MEGF8: variants seen among roughly 807,000 people sequenced by gnomAD.
MEGF8 encodes multiple epidermal growth factor-like domains protein 8.
Under a neutral mutation model 302.9 loss-of-function variants are expected in MEGF8, and 156 were observed. The ratio of observed to expected loss-of-function variants is 0.52; its 90% CI spans 0.45 to 0.59. MEGF8 has a LOEUF of 0.59. MEGF8 is among the 20% of genes least tolerant of loss of function. The pLI is 0.00. For synonymous variants in MEGF8, 1,621 were observed against 1,660.5 expected (o/e 0.98, Z 0.58); for missense variants, 3,345 against 3,964.5 (o/e 0.84, Z 4.20).
Position 42,334,150 on chromosome 19 carries a change from G to A in MEGF8, c.495G>A (p.Gly165=). The change falls in exon 3 of 42, where the codon GGG becomes GGA. Residue 165 remains glycine (G), a synonymous_variant. Transcript: ENST00000251268. ...PGVCACEPGW[G]GPDCGLQECS... Reference sequence around the variant, plus strand: ...TGTGTGCCTGCGAGCCGGGCTGGGGGGGTCCTGACTGTGGCCTGCAGGAGT... The same window carrying A: ...TGTGTGCCTGCGAGCCGGGCTGGGGAGGTCCTGACTGTGGCCTGCAGGAGT... The A allele has an allele frequency of 6.2e-7, 1 of 1,611,600 alleles. No homozygotes were observed.
At chr19:42,330,372 T>C (rs1158058835) in intron 1 of MEGF8, among the ~76,000 whole-genome samples, 4 of 152,174 alleles carry the variant, frequency 2.6e-5, no homozygotes, top group Non-Finnish European at 5.9e-5. Flanking sequence ...GGGAGGCAGA[T>C]GGTGAGCTGG....
chr19:42,357,269 G>A lies in MEGF8; in HGVS notation c.4831-135G>A, dbSNP rs1402091656. ...TGTGCCTCTGCCAGGACCCAGGCTG[G>A]TCCGACTGGCCCTGGGGGGGTCATT... On this transcript the variant is annotated intron_variant, in intron 27 of 41. Coordinates refer to ENST00000251268, the MANE Select transcript of MEGF8 (RefSeq NM_001271938.2). The surrounding 1 kb of genome is among the most constrained non-coding windows in gnomAD (Gnocchi z 5.2). The A allele has an allele frequency of 6.2e-6, 7 of 1,122,868 alleles. No individual in the cohort carries two copies. Among genetic ancestry groups the A allele is most frequent in the Non-Finnish European group, 1.3e-6 (1 of 794,724 alleles). 69.6% of individuals were successfully genotyped at this position (1,122,868 alleles called of 1,614,324 possible).
intron 13 of MEGF8, 113 bp downstream of exon 13, chr19:42,348,585 T>G: frequency 9.5e-7 from 1 of 1,054,638 alleles, no homozygotes; most frequent in Non-Finnish European, 1.3e-6. Context: ...GGGGAGAAAT[T>G]AGAGGCAGGA....
In MEGF8 at chr19:42,350,281, G is replaced by T; in HGVS notation, c.2633G>T (p.Gly878Val). The T allele has an allele frequency of 6.2e-7, 1 of 1,610,802 alleles. No homozygotes were observed. Among genetic ancestry groups the T allele is most frequent in the Non-Finnish European group, 8.5e-7 (1 of 1,179,814 alleles). Residue 878 changes from glycine to valine, a missense_variant, in exon 15 of 42, where the codon GGA becomes GTA. By Grantham distance (109) the Gly-to-Val change is moderately radical (BLOSUM62 -3). Coordinates refer to ENST00000251268, the MANE Select transcript of MEGF8 (RefSeq NM_001271938.2). ...GCCACCTGCCACCTGCGCCAGGGCG[G>T]AGCCCATTGCGGGGATGACGGGGCT... ...TSATCHLRQG[G>V]AHCGDDGAGG... is the part of the protein sequence containing the mutation.
At position 42,375,853 on chromosome 19, in the gene MEGF8, C is replaced by T; in HGVS notation, c.7616C>T (p.Ala2539Val). Residue 2539 changes from alanine (A) to valine (V), a missense_variant, in exon 42 of 42, where the codon GCA becomes GTA. Coordinates refer to ENST00000251268, the MANE Select transcript of MEGF8 (RefSeq NM_001271938.2). The surrounding 1 kb of genome is among the most constrained non-coding windows in gnomAD (Gnocchi z 7.1). Reference protein sequence around the residue: ...PPAPPPPPPPADGGPRGAGDP... With the variant: ...PPAPPPPPPPVDGGPRGAGDP... ...GCCCCACCACCTCCACCACCCCCTGCAGATGGTGGGCCCCGGGGGGCTGGG... is the reference window on the plus strand; with the variant it reads ...GCCCCACCACCTCCACCACCCCCTGTAGATGGTGGGCCCCGGGGGGCTGGG... 1 of 1,609,164 alleles carries T rather than the reference C, an allele frequency of 6.2e-7. No individual in the cohort carries two copies. The highest frequency in any genetic ancestry group is 1.1e-5 in the South Asian group (1 of 90,602).
chr19:42,369,985 A>C lies in MEGF8; in HGVS notation c.6835-204A>C, dbSNP rs1325376435. 6.6e-6 allele frequency among the ~76,000 whole-genome samples: 1 copy of C among 152,098 alleles called. No homozygotes were observed. Among genetic ancestry groups the C allele is most frequent in the Non-Finnish European group, 1.5e-5 (1 of 68,002 alleles). The stretch of plus-strand genomic sequence containing the variant: ...CGTGGAGGAGGATTTGAGATAATGG[A>C]GGGAAGGGCTTTTGAACTCAGCACT... On this transcript the variant is annotated intron_variant, in intron 38 of 41. Transcript: ENST00000251268. This position sits in a 1 kb window ranked among gnomAD's most constrained non-coding sequence, Gnocchi z 5.7.
Position 42,370,174 on chromosome 19 carries a change from G to C in MEGF8, c.6835-15G>C. 6.2e-7 allele frequency: 1 copy of C among 1,606,326 alleles called. No individual in the cohort carries two copies. Among genetic ancestry groups the C allele is most frequent in the South Asian group, 1.1e-5 (1 of 89,770 alleles). On this transcript the variant is annotated splice_polypyrimidine_tract_variant and intron_variant, in intron 38 of 41. Coordinates refer to ENST00000251268, the MANE Select transcript of MEGF8 (RefSeq NM_001271938.2). ...ACTCTCCAGCCTCTCTAACTACCCT[G>C]TCCTGGGTTCTCAGGGCAGCCACTG...
In MEGF8 at chr19:42,351,279, G is replaced by T; in HGVS notation, c.2800G>T (p.Gly934Cys). Residue 934 changes from glycine (G) to cysteine (C), a missense_variant, in exon 16 of 42, where the codon GGC becomes TGC. By Grantham distance (159) the Gly-to-Cys change is radical. Coordinates refer to ENST00000251268, the MANE Select transcript of MEGF8 (RefSeq NM_001271938.2). This position sits in a 1 kb window ranked among gnomAD's most constrained non-coding sequence, Gnocchi z 5.6. ...RKGDAACSRR[G>C]RGRGALKSPE... ...AGGGGACGCGGCATGCAGCCGGCGGGGCCGGGGTCGGGGTGCCCTGAAGAG... is the reference window on the plus strand; with the variant it reads ...AGGGGACGCGGCATGCAGCCGGCGGTGCCGGGGTCGGGGTGCCCTGAAGAG... 1 of 1,570,956 alleles carries T rather than the reference G, an allele frequency of 6.4e-7. No individual in the cohort carries two copies.
At chr19:42,350,602 T>C (rs1214819520) in intron 15 of MEGF8, among the ~76,000 whole-genome samples, 3 of 152,172 alleles carry the variant, frequency 2.0e-5, no homozygotes, top group East Asian at 1.9e-4. Context: ...TGCAACTCCA[T>C]CCTTTTCCAC....
chr19:42,340,531 A>AT (rs1270452051), intron 8 of MEGF8, among the ~76,000 whole-genome samples: 1 of 149,874 alleles, frequency 6.7e-6, no homozygotes, highest in Non-Finnish European at 1.5e-5. Context: ...GCCTGGCCTA[A>AT]TTTTTGTATT....
rs1381073300 is a variant in MEGF8 at position 42,326,044 on chromosome 19, G to T, written c.-200G>T. The T allele has an allele frequency of 1.7e-5, 14 of 845,588 alleles. No homozygotes were observed. Among genetic ancestry groups the T allele is most frequent in the African/African-American group, 5.4e-5 (3 of 55,452 alleles). 52.4% of individuals were successfully genotyped at this position (845,588 alleles called of 1,614,324 possible). Reference sequence around the variant, plus strand: ...TACAGGGCCTTCCATCGCTCTATAGGGCTCAGCCCTCGGCTTCCAGAGCCT... The same window carrying T: ...TACAGGGCCTTCCATCGCTCTATAGTGCTCAGCCCTCGGCTTCCAGAGCCT... On this transcript the variant is annotated 5_prime_UTR_variant, in exon 1 of 42. Transcript: ENST00000251268.
Position 42,370,842 on chromosome 19 carries a change from CCGGGGGG to C in MEGF8, c.7136+12_7136+18del. On this transcript the variant is annotated intron_variant, in intron 40 of 41. Transcript: ENST00000251268. ...CGGGAAGTGCACCAAGTAAGAGGAA[CCGGGGGG>C]GGGGGGGGGGGGGGGGGGGGGGGAG... The C allele has an allele frequency of 4.2e-5, 5 of 119,568 alleles. No individual in the cohort carries two copies. Among genetic ancestry groups the C allele is most frequent in the Non-Finnish European group, 2.7e-5 (2 of 72,768 alleles). 7.4% of individuals were successfully genotyped at this position (119,568 alleles called of 1,614,324 possible).
rs1178467442 is a variant in MEGF8, at chr19:42,354,946, G to A, written c.4144+226G>A. On this transcript the variant is annotated intron_variant, in intron 23 of 41. Coordinates refer to ENST00000251268, the MANE Select transcript of MEGF8 (RefSeq NM_001271938.2). The surrounding 1 kb of genome is among the most constrained non-coding windows in gnomAD (Gnocchi z 4.3). ...AGGGCTGAATGAGACATGTCTCTGGGGCATATAGAATGTGGTTGGTGTGAG... is the reference window on the plus strand; with the variant it reads ...AGGGCTGAATGAGACATGTCTCTGGAGCATATAGAATGTGGTTGGTGTGAG... 1.3e-5 allele frequency among the ~76,000 whole-genome samples: 2 copies of A among 152,100 alleles called. No homozygotes were observed. Among genetic ancestry groups the A allele is most frequent in the Non-Finnish European group, 2.9e-5 (2 of 68,014 alleles).
At position 42,353,415 on chromosome 19, in the gene MEGF8, C is replaced by T; in HGVS notation, c.3551-50C>T. 6.3e-7 allele frequency: 1 copy of T among 1,580,812 alleles called. No homozygotes were observed. Among genetic ancestry groups the T allele is most frequent in the Non-Finnish European group, 8.6e-7 (1 of 1,163,426 alleles). ...TTTAGCTGAGCCAGTAGGCCTGGGCCTGTTTCCACCCTTGACTTGACTCTG... is the reference window on the plus strand; with the variant it reads ...TTTAGCTGAGCCAGTAGGCCTGGGCTTGTTTCCACCCTTGACTTGACTCTG... On this transcript the variant is annotated intron_variant, in intron 20 of 41. Transcript: ENST00000251268. The surrounding 1 kb of genome is among the most constrained non-coding windows in gnomAD (Gnocchi z 6.1).
At position 42,352,468 on chromosome 19, in the gene MEGF8, G is replaced by C; in HGVS notation, c.3350+12G>C. 6.3e-7 allele frequency: 1 copy of C among 1,576,288 alleles called. No homozygotes were observed. The highest frequency in any genetic ancestry group is 8.6e-7 in the Non-Finnish European group (1 of 1,157,062). ...CACTGCAACCGCACGTGAGTGAGGC[G>C]GGGGTTGCTATGGAGATGTTGCCCC... On this transcript the variant is annotated intron_variant, in intron 19 of 41. Coordinates refer to ENST00000251268, the MANE Select transcript of MEGF8 (RefSeq NM_001271938.2). The surrounding 1 kb of genome is among the most constrained non-coding windows in gnomAD (Gnocchi z 4.4).
chr19:42,326,101 G>A lies in MEGF8; in HGVS notation c.-143G>A. On this transcript the variant is annotated 5_prime_UTR_variant, in exon 1 of 42. Coordinates refer to ENST00000251268, the MANE Select transcript of MEGF8 (RefSeq NM_001271938.2). ...AGTGGCCGTACCCTTCGCCGGGACT[G>A]CCGGGTCTCCGGGACCTCTTCGATC... 1 of 1,320,118 alleles carries A rather than the reference G, an allele frequency of 7.6e-7. No homozygotes were observed. Among genetic ancestry groups the A allele is most frequent in the Non-Finnish European group, 9.8e-7 (1 of 1,023,524 alleles). The allele number at this position is 1,320,118 out of a possible 1,614,324, so 81.8% of individuals were successfully genotyped here.
At chr19:42,334,591 T>C (rs960285048) in intron 3 of MEGF8, among the ~76,000 whole-genome samples, 1 of 152,144 alleles carries the variant, frequency 6.6e-6, no homozygotes, top group African/African-American at 2.4e-5. Flanking sequence ...GCTGTGTACA[T>C]CCAGCTTTCA....
In MEGF8 at chr19:42,376,928, T is replaced by G. The variant is rs1020046730; in HGVS notation, c.*153T>G. 2 of 736,066 alleles carry G rather than the reference T, an allele frequency of 2.7e-6. No homozygotes were observed. The highest frequency in any genetic ancestry group is 4.0e-6 in the Non-Finnish European group (2 of 503,700). The allele number at this position is 736,066 out of a possible 1,614,324, so 45.6% of individuals were successfully genotyped here. A position where few individuals can be genotyped will look rare whatever the true frequency, so the allele number is the denominator to read the frequency against. On this transcript the variant is annotated 3_prime_UTR_variant, in exon 42 of 42. Transcript: ENST00000251268. The surrounding 1 kb of genome is among the most constrained non-coding windows in gnomAD (Gnocchi z 8.2). ...TGCCCAGATGGGGCCTCCTTTGTTC[T>G]GCATTCAGCAGCTATTTATCGAGTA...
At chr19:42,342,598 C>T (rs374246342) in intron 8 of MEGF8, among the ~76,000 whole-genome samples, 3 of 150,538 alleles carry the variant, frequency 2.0e-5, no homozygotes, top group African/African-American at 7.4e-5. Context: ...GATCGTGGCA[C>T]GGCACTGCAG....
Sources: allele counts gnomAD v4.1 joint callset (sites outside exome capture counted in the v4.1 genomes callset), GRCh38; gene constraint gnomAD v4.1.1; non-coding constraint Gnocchi (gnomAD v3.1); transcripts MANE v1.5; gene names NCBI Gene and HGNC (gene_info 2026-07-23, HGNC 2026-07-21).